The following PPP1R9A variants were observed in gnomAD, a reference collection of about 807,000 sequenced individuals.
PPP1R9A encodes the protein protein phosphatase 1 regulatory subunit 9A, also known as neurabin-1.
A neutral mutation model predicts 141.9 loss-of-function variants in PPP1R9A; 59 were observed. The ratio of observed to expected loss-of-function variants is 0.42; its 90% CI spans 0.34 to 0.52. The LOEUF (loss-of-function observed/expected upper bound fraction) is 0.52. Among genes scored for constraint, PPP1R9A ranks in the 20% least tolerant of loss-of-function variants. The pLI, the probability that PPP1R9A is intolerant of heterozygous loss-of-function variation, is 0.10. For synonymous variants in PPP1R9A, 500 were observed against 569.7 expected (o/e 0.88, Z 1.74); for missense variants, 1,444 against 1,611.9 (o/e 0.90, Z 1.78).
intron 16 of PPP1R9A, among the ~76,000 whole-genome samples, chr7:95,283,229 C>A (rs2115659405): frequency 6.6e-6 from 1 of 152,298 alleles, no homozygotes; most frequent in East Asian, 1.9e-4. Context: ...AATCTGTTTT[C>A]AAACTGCGTT....
At chr7:95,103,336 AGAGT>A (rs1819038237) in intron 2 of PPP1R9A, among the ~76,000 whole-genome samples, 1 of 111,528 alleles carries the variant, frequency 9.0e-6, no homozygotes, top group Admixed American at 8.7e-5. Context: ...CCCATTATAT[AGAGT>A]ATGTTTGGTT....
intron 2 of PPP1R9A, among the ~76,000 whole-genome samples, chr7:94,980,182 T>TAA (rs71292968): frequency 0.016 from 2,028 of 126,112 alleles, 31 homozygotes; most frequent in African/African-American, 0.042. Flanking sequence ...GCTGATGAGC[T>TAA]AAAAAAAAAA....
Position 95,252,084 on chromosome 7 carries a change from G to T in PPP1R9A, c.2619G>T (p.Glu873Asp). 2 of 1,607,840 alleles carry T rather than the reference G, an allele frequency of 1.2e-6. No homozygotes were observed. Among genetic ancestry groups the T allele is most frequent in the East Asian group, 2.2e-5 (1 of 44,708 alleles). ...AAGTCTCTAAAGGGGATACCATGGAGAACTTGGATGGCAAGCAGACATCTT... is the reference window on the plus strand; with the variant it reads ...AAGTCTCTAAAGGGGATACCATGGATAACTTGGATGGCAAGCAGACATCTT... Reference protein sequence around the residue: ...LGEVSKGDTMENLDGKQTSCQ... With the variant: ...LGEVSKGDTMDNLDGKQTSCQ... Residue 873 changes from glutamate (E) to aspartate (D), a missense_variant, in exon 12 of 20, where the codon GAG becomes GAT. Glu to Asp is a conservative substitution (Grantham distance 45, BLOSUM62 2). This residue lies in a region of PPP1R9A where 488 missense variants were observed against 542.0 expected (regional missense o/e 0.90). Transcript: ENST00000433360.
chr7:95,102,287 C>T (rs1818893697), intron 2 of PPP1R9A, among the ~76,000 whole-genome samples: 1 of 152,136 alleles, frequency 6.6e-6, no homozygotes, highest in South Asian at 2.1e-4. Flanking sequence ...TATTAAAAAA[C>T]GTGGAACAGA....
intron 5 of PPP1R9A, among the ~76,000 whole-genome samples, 154 bp from the exon 6 acceptor site, chr7:95,198,195 T>A (rs1836573065): frequency 6.6e-6 from 1 of 152,196 alleles, no homozygotes; most frequent in Non-Finnish European, 1.5e-5. Context: ...CATCTAAGCT[T>A]TCTTCTCACC....
intron 2 of PPP1R9A, among the ~76,000 whole-genome samples, chr7:95,011,937 GAT>G (rs1346206184): frequency 3.9e-5 from 6 of 152,112 alleles, no homozygotes; most frequent in African/African-American, 1.4e-4. Flanking sequence ...CTGCATTAAT[GAT>G]ATATAAAATA....
chr7:94,974,315 G>A (rs1445468064), intron 2 of PPP1R9A, among the ~76,000 whole-genome samples: 2 of 152,144 alleles, frequency 1.3e-5, no homozygotes, highest in Non-Finnish European at 2.9e-5. Flanking sequence ...CCTAGCCAGA[G>A]ACACCAGGAT....
intron 4 of PPP1R9A, among the ~76,000 whole-genome samples, chr7:95,160,284 G>A (rs1830280680): frequency 6.6e-6 from 1 of 152,058 alleles, no homozygotes; most frequent in African/African-American, 2.4e-5. Flanking sequence ...TCCTGGTTAA[G>A]TTTTTCCTTA....
At chr7:94,997,514 C>T (rs1282836037) in intron 2 of PPP1R9A, among the ~76,000 whole-genome samples, 2 of 152,064 alleles carry the variant, frequency 1.3e-5, no homozygotes, top group Non-Finnish European at 2.9e-5. Context: ...GGCAGGGTAG[C>T]TCTCCTACTA....
intron 13 of PPP1R9A, 120 bp from the exon 14 acceptor site, chr7:95,269,087 C>T (rs972038747): frequency 1.1e-6 from 1 of 945,974 alleles, no homozygotes; most frequent in African/African-American, 1.7e-5. Context: ...ATCTGTAAAT[C>T]AACAAAAACT....
Position 95,026,915 on chromosome 7 carries a change from A to G in PPP1R9A, c.1396-84344A>G, listed in dbSNP as rs541131800. On this transcript the variant is annotated intron_variant, in intron 2 of 19. Transcript: ENST00000433360. Reference sequence around the variant, plus strand: ...AAAACCACGTACTCAAGCCTCAGCAATGGCGGACACCCCTACCCCCACCAA... The same window carrying G: ...AAAACCACGTACTCAAGCCTCAGCAGTGGCGGACACCCCTACCCCCACCAA... Among the ~76,000 whole-genome samples, 16 of 152,172 alleles carry G rather than the reference A, an allele frequency of 1.1e-4. No homozygotes were observed. The South Asian group carries it at 3.3e-3, about 32-fold the overall frequency.
At chr7:95,014,503 C>A (rs1361964434) in intron 2 of PPP1R9A, among the ~76,000 whole-genome samples, 1 of 151,864 alleles carries the variant, frequency 6.6e-6, no homozygotes, top group Non-Finnish European at 1.5e-5. Context: ...AAGATTTGTC[C>A]AATTATTGAT....
At chr7:95,219,376 A>G (rs889457511) in intron 7 of PPP1R9A, among the ~76,000 whole-genome samples, 1 of 152,082 alleles carries the variant, frequency 6.6e-6, no homozygotes, top group Non-Finnish European at 1.5e-5. Context: ...GGGTAACCCG[A>G]TGTTTCTCTC....
At chr7:95,003,970 G>T (rs1563106569) in intron 2 of PPP1R9A, among the ~76,000 whole-genome samples, 2 of 152,112 alleles carry the variant, frequency 1.3e-5, no homozygotes, top group Non-Finnish European at 2.9e-5. Flanking sequence ...CTTGGATTTT[G>T]CACCCTTTGT....
intron 2 of PPP1R9A, among the ~76,000 whole-genome samples, chr7:94,988,378 T>A (rs1437998099): frequency 6.6e-6 from 1 of 152,124 alleles, no homozygotes; most frequent in African/African-American, 2.4e-5. Flanking sequence ...ACCTTTCCAA[T>A]TTATTAAAAA....
chr7:95,267,988 A>G (rs1330872051), intron 12 of PPP1R9A, among the ~76,000 whole-genome samples: 1 of 152,098 alleles, frequency 6.6e-6, no homozygotes, highest in Non-Finnish European at 1.5e-5. Flanking sequence ...TGGTCTTTCT[A>G]CAGGTTTCAA....
rs376660025 is a variant in PPP1R9A, at chr7:95,182,801, A to G, written c.1755-15548A>G. 5.9e-5 allele frequency among the ~76,000 whole-genome samples: 9 copies of G among 152,324 alleles called. No individual in the cohort carries two copies. In the East Asian group the frequency reaches 1.4e-3, roughly 23 times the overall value. ...GAATATATCAGAATGGCCAACAACCACTGTTGAGAGAAAGAGTAAAACCAG... is the reference window on the plus strand; with the variant it reads ...GAATATATCAGAATGGCCAACAACCGCTGTTGAGAGAAAGAGTAAAACCAG... On this transcript the variant is annotated intron_variant, in intron 5 of 19. Transcript: ENST00000433360.
intron 2 of PPP1R9A, among the ~76,000 whole-genome samples, chr7:95,085,784 A>T (rs987254337): frequency 6.6e-6 from 1 of 152,016 alleles, no homozygotes. Flanking sequence ...TTCACTTGGT[A>T]TATGTTTCCT....
chr7:95,120,146 C>T (rs1442357654), intron 3 of PPP1R9A, among the ~76,000 whole-genome samples: 1 of 151,738 alleles, frequency 6.6e-6, no homozygotes, highest in Non-Finnish European at 1.5e-5. Context: ...TTAGTAGAGA[C>T]AGGCTTTCAC....
Sources: gnomAD v4.1 joint callset for allele counts (sites outside exome capture counted in the v4.1 genomes callset) on GRCh38, gnomAD v4.1.1 for gene constraint, gnomAD v4.1.1 regional missense constraint, MANE v1.5 for transcripts, NCBI Gene and HGNC (gene_info 2026-07-23, HGNC 2026-07-21) for gene names.